REPS2: variants seen among roughly 807,000 people sequenced by gnomAD.
The protein encoded by REPS2 is RALBP1 associated Eps domain containing 2.
REPS2 carries 23 observed loss-of-function variants against 53.6 expected under a neutral mutation model. That is an observed-to-expected ratio of 0.43 (90% confidence interval 0.31 to 0.61). The LOEUF (loss-of-function observed/expected upper bound fraction) is 0.61, where lower values mean the gene tolerates loss of function less well. Among genes scored for constraint, REPS2 ranks in the 20% least tolerant of loss-of-function variants. The pLI, the probability that REPS2 is intolerant of heterozygous loss-of-function variation, is 0.11. For synonymous variants in REPS2, 238 were observed against 218.6 expected (o/e 1.09, Z -0.78); for missense variants, 446 against 534.9 (o/e 0.83, Z 1.64).
chrX:16,971,099 A>G (rs757860396), intron 1 of REPS2, among the ~76,000 whole-genome samples: 3 of 112,355 alleles, frequency 2.7e-5, no homozygotes, highest in East Asian at 5.6e-4. Context: ...ACTATTTGAC[A>G]TTCTTGTGAG....
chrX:16,968,652 C>T (rs750617420), intron 1 of REPS2, among the ~76,000 whole-genome samples: 23 of 99,511 alleles, frequency 2.3e-4, no homozygotes, highest in South Asian at 4.7e-4. Context: ...GGGGGCTGAC[C>T]CCCCCACCTC....
the REPS2 span, among the ~76,000 whole-genome samples, chrX:17,162,886 G>A: frequency 3.6e-5 from 4 of 111,968 alleles, no homozygotes; most frequent in Non-Finnish European, 7.5e-5. Context: ...CCATGGGGAG[G>A]AGGAAGAATC....
Position 17,113,091 on chromosome X carries a change from C to CA in REPS2, c.1578+9337dup, listed in dbSNP as rs10567369. 9.2e-3 allele frequency among the ~76,000 whole-genome samples: 125 copies of CA among 13,566 alleles called. 15 individuals are homozygous for CA. The highest frequency in any genetic ancestry group is 0.038 in the Admixed American group (21 of 557). 11.8% of individuals were successfully genotyped at this position (13,566 alleles called of 115,157 possible). A position where few individuals can be genotyped will look rare whatever the true frequency, so the allele number is the denominator to read the frequency against. ...CGGGCGACAGAGCAAGACTCTGTCT[C>CA]AAAAAAAAAAAAAAAAAAAAAAAAA... is the stretch of plus-strand genomic sequence containing the variant. On this transcript the variant is annotated intron_variant, in intron 14 of 17. Transcript: ENST00000357277.
intron 13 of REPS2, among the ~76,000 whole-genome samples, chrX:17,101,637 T>A (rs891868179): frequency 8.9e-6 from 1 of 111,807 alleles, no homozygotes; most frequent in Non-Finnish European, 1.9e-5. Context: ...TTAAAAAAAA[T>A]TAAATCATAC....
the REPS2 span, among the ~76,000 whole-genome samples, chrX:17,166,771 C>A: frequency 8.9e-6 from 1 of 111,923 alleles, no homozygotes; most frequent in East Asian, 2.8e-4. Flanking sequence ...CTGCTGTGTG[C>A]TGGGTGCTTT....
intron 2 of REPS2, 151 bp from the exon 3 acceptor site, chrX:17,021,972 T>C (rs2061582858): frequency 2.1e-6 from 1 of 484,992 alleles, no homozygotes; most frequent in Non-Finnish European, 3.5e-6. Context: ...GACGTTATTA[T>C]AGGAGTACTC....
intron 14 of REPS2, among the ~76,000 whole-genome samples, chrX:17,125,705 C>T (rs200677928): frequency 3.5e-5 from 4 of 112,751 alleles, no homozygotes; most frequent in Non-Finnish European, 5.6e-5. Context: ...TCCATATGGG[C>T]GAACTAACCC....
chrX:17,111,995 G>A (rs2062977906), intron 14 of REPS2, among the ~76,000 whole-genome samples: 1 of 110,228 alleles, frequency 9.1e-6, no homozygotes, highest in East Asian at 2.8e-4. Context: ...TTGAGACAGG[G>A]TCTCGCTCTG....
intron 13 of REPS2, among the ~76,000 whole-genome samples, chrX:17,092,589 A>G (rs5969765): frequency 4.5e-3 from 491 of 109,701 alleles, no homozygotes; most frequent in Non-Finnish European, 7.7e-3. Flanking sequence ...CCACTTTATT[A>G]ACTATAACAC....
At chrX:17,154,882 G>A (rs546680716), downstream of REPS2, among the ~76,000 whole-genome samples, 10 of 111,673 alleles carry the variant, frequency 9.0e-5, no homozygotes, top group South Asian at 3.8e-3. Flanking sequence ...ACACAGGAGG[G>A]GTATTTAACT....
the REPS2 span, among the ~76,000 whole-genome samples, chrX:17,190,614 A>G: frequency 8.9e-6 from 1 of 112,494 alleles, no homozygotes; most frequent in Non-Finnish European, 1.9e-5. Flanking sequence ...GGGGGTAGAT[A>G]TGTATAAACT....
intron 14 of REPS2, among the ~76,000 whole-genome samples, chrX:17,107,847 T>C (rs1487129910): frequency 8.9e-6 from 1 of 112,233 alleles, no homozygotes; most frequent in African/African-American, 3.2e-5. Flanking sequence ...AAAAGACTTA[T>C]TTATAGCATA....
chrX:17,028,156 G>A (rs750408789), intron 4 of REPS2, among the ~76,000 whole-genome samples: 1 of 111,658 alleles, frequency 9.0e-6, no homozygotes, highest in South Asian at 3.8e-4. Context: ...ATGGTGGCCT[G>A]TTCCCCCATG....
At chrX:17,177,763 GCCTGC>G in the REPS2 span, among the ~76,000 whole-genome samples, 1 of 112,002 alleles carries the variant, frequency 8.9e-6, no homozygotes, top group African/African-American at 3.2e-5. Context: ...GCTACACTAG[GCCTGC>G]GAATTTGGGA....
intron 17 of REPS2, among the ~76,000 whole-genome samples, chrX:17,146,198 G>T (rs764564252): frequency 9.1e-6 from 1 of 110,052 alleles, no homozygotes; most frequent in Non-Finnish European, 1.9e-5. Context: ...GGCCCTGTAC[G>T]ATCTGGCTCC....
intron 17 of REPS2, among the ~76,000 whole-genome samples, chrX:17,144,273 A>G (rs1186503303): frequency 8.9e-6 from 1 of 112,888 alleles, no homozygotes; most frequent in Non-Finnish European, 1.9e-5. Flanking sequence ...TTGCTAATCC[A>G]GATGCTCTCT....
At chrX:16,948,033 G>A (rs2060463307) in intron 1 of REPS2, among the ~76,000 whole-genome samples, 1 of 112,107 alleles carries the variant, frequency 8.9e-6, no homozygotes, top group South Asian at 3.7e-4. Flanking sequence ...TGATAAGACT[G>A]TTAATATCAG....
chrX:17,012,394 A>G (rs2061440606), intron 2 of REPS2, among the ~76,000 whole-genome samples: 1 of 110,171 alleles, frequency 9.1e-6, no homozygotes, highest in Non-Finnish European at 1.9e-5. Context: ...AACAACAACA[A>G]CAACAACAAC....
chrX:17,076,936 G>C (rs762185869), intron 12 of REPS2, among the ~76,000 whole-genome samples: 1 of 112,012 alleles, frequency 8.9e-6, no homozygotes, highest in East Asian at 2.8e-4. Flanking sequence ...CCTTCTGTTA[G>C]AACATGGAAA....
Sources: allele counts gnomAD v4.1 joint callset (sites outside exome capture counted in the v4.1 genomes callset), GRCh38; gene constraint gnomAD v4.1.1; transcripts MANE v1.5; gene names NCBI Gene and HGNC (gene_info 2026-07-23, HGNC 2026-07-21).